Variants in CHSY3 observed in about 807,000 individuals in gnomAD.
The protein encoded by CHSY3 is N-acetylgalactosaminyl-proteoglycan 3-beta-glucuronosyltransferase 3.
Under a neutral mutation model 67.2 loss-of-function variants are expected in CHSY3, and 35 were observed. The ratio of observed to expected loss-of-function variants is 0.52; its 90% CI spans 0.40 to 0.69. The LOEUF is 0.69. Ranked by LOEUF, CHSY3 falls within the 30% of genes least tolerant of loss-of-function variation. CHSY3 has a pLI of 0.00. For synonymous variants in CHSY3, 474 were observed against 434.7 expected, an observed-to-expected ratio of 1.09 and a Z score of -1.12; for missense variants, 1,069 against 1,138.5, an observed-to-expected ratio of 0.94 and a Z score of 0.88.
chr5:129,910,171 C>A (rs1025173201), intron 2 of CHSY3, among the ~76,000 whole-genome samples: 2 of 151,916 alleles, frequency 1.3e-5, no homozygotes, highest in African/African-American at 2.4e-5. Context: ...AGAATAAGTG[C>A]AATCTTAGAT....
At chr5:130,064,836 A>T (rs1458385347) in intron 2 of CHSY3, among the ~76,000 whole-genome samples, 3 of 152,132 alleles carry the variant, frequency 2.0e-5, no homozygotes, top group Non-Finnish European at 4.4e-5. Flanking sequence ...ATGAAATATG[A>T]TTTGCTTTTC....
chr5:129,928,258 A>C (rs974212056), intron 2 of CHSY3, among the ~76,000 whole-genome samples: 4 of 138,162 alleles, frequency 2.9e-5, no homozygotes, highest in Admixed American at 2.4e-4. Context: ...GGAGAAAATA[A>C]ATTTTTTGTT....
chr5:130,095,456 G>A (rs1767013966), intron 2 of CHSY3, among the ~76,000 whole-genome samples: 1 of 152,174 alleles, frequency 6.6e-6, no homozygotes, highest in Non-Finnish European at 1.5e-5. Flanking sequence ...ACCTGAAAGA[G>A]CTTGAGCAAT....
intron 2 of CHSY3, among the ~76,000 whole-genome samples, chr5:130,077,451 A>G (rs1766304988): frequency 6.6e-6 from 1 of 152,150 alleles, no homozygotes; most frequent in South Asian, 2.1e-4. Context: ...TGGGCATTTT[A>G]AAGGAGGCTG....
chr5:130,004,532 T>C (rs982509027), intron 2 of CHSY3, among the ~76,000 whole-genome samples: 1 of 152,220 alleles, frequency 6.6e-6, no homozygotes, highest in African/African-American at 2.4e-5. Flanking sequence ...GTCCTGTTTG[T>C]ATTTGTTGAT....
At chr5:130,174,906 G>A (rs965600306) in intron 2 of CHSY3, among the ~76,000 whole-genome samples, 9 of 152,110 alleles carry the variant, frequency 5.9e-5, no homozygotes, top group African/African-American at 2.2e-4. Flanking sequence ...TAAGCACTTC[G>A]TTGCAATGCA....
intron 2 of CHSY3, among the ~76,000 whole-genome samples, chr5:130,077,824 T>C (rs993448839): frequency 1.2e-4 from 18 of 151,934 alleles, no homozygotes; most frequent in African/African-American, 4.1e-4. Flanking sequence ...CACATATATA[T>C]ACACACATAC....
chr5:129,938,617 C>T (rs1761589444), intron 2 of CHSY3, among the ~76,000 whole-genome samples: 1 of 152,202 alleles, frequency 6.6e-6, no homozygotes, highest in African/African-American at 2.4e-5. Context: ...CCTAAATTTT[C>T]TCTCTCAAGT....
chr5:130,115,780 A>G (rs1357222950), intron 2 of CHSY3, among the ~76,000 whole-genome samples: 1 of 152,204 alleles, frequency 6.6e-6, no homozygotes, highest in Non-Finnish European at 1.5e-5. Context: ...TAACTAACGT[A>G]GTCTGAGCTC....
intron 2 of CHSY3, among the ~76,000 whole-genome samples, chr5:129,922,144 G>A (rs1192899786): frequency 6.6e-6 from 1 of 152,188 alleles, no homozygotes; most frequent in African/African-American, 2.4e-5. Context: ...TTCTATCCGT[G>A]TTGTTGCAAA....
At chr5:130,000,998 C>T (rs1197894106) in intron 2 of CHSY3, among the ~76,000 whole-genome samples, 1 of 151,310 alleles carries the variant, frequency 6.6e-6, no homozygotes, top group Non-Finnish European at 1.5e-5. Flanking sequence ...TCAAACGATT[C>T]TCCTGCCTCA....
chr5:130,185,430 A>G lies in CHSY3; in HGVS notation c.2288A>G (p.Asp763Gly), dbSNP rs1580809575. The G allele has an allele frequency of 6.2e-7, 1 of 1,613,856 alleles. No individual in the cohort carries two copies. The highest frequency in any genetic ancestry group is 8.5e-7 in the Non-Finnish European group (1 of 1,179,770). Residue 763 changes from aspartate (D) to glycine (G), a missense_variant, in exon 3 of 3, where the codon GAT (aspartate) becomes GGT (glycine). This residue lies in a region of CHSY3 where 139 missense variants were observed against 152.8 expected (regional missense o/e 0.91). Coordinates refer to ENST00000305031, the MANE Select transcript of CHSY3 (RefSeq NM_175856.5). Reference protein sequence around the residue: ...KVTNGGNPPTDDYFIFSKKTG... With the variant: ...KVTNGGNPPTGDYFIFSKKTG... The stretch of plus-strand genomic sequence containing the variant: ...ACAAACGGGGGAAATCCTCCCACTG[A>G]TGATTACTTCATATTCTCAAAAAAG...
chr5:130,160,018 A>C (rs1449428805), intron 2 of CHSY3, among the ~76,000 whole-genome samples: 1 of 152,200 alleles, frequency 6.6e-6, no homozygotes, highest in African/African-American at 2.4e-5. Flanking sequence ...CAGAAAAAGA[A>C]AGCATATGTT....
At chr5:130,138,279 C>G (rs1379036539) in intron 2 of CHSY3, among the ~76,000 whole-genome samples, 1 of 152,156 alleles carries the variant, frequency 6.6e-6, no homozygotes, top group Non-Finnish European at 1.5e-5. Flanking sequence ...TCTAGCCAAC[C>G]AAGGACACAT....
At chr5:130,146,857 G>A (rs189314598) in intron 2 of CHSY3, among the ~76,000 whole-genome samples, 7 of 152,092 alleles carry the variant, frequency 4.6e-5, no homozygotes, top group Non-Finnish European at 7.4e-5. Context: ...GCAATGGCGC[G>A]ATCTTGGCTC....
chr5:130,107,556 T>G (rs1034759625), intron 2 of CHSY3, among the ~76,000 whole-genome samples: 3 of 151,640 alleles, frequency 2.0e-5, no homozygotes, highest in Non-Finnish European at 3.0e-5. Flanking sequence ...GTTTTCCTTC[T>G]GCTTTATACA....
chr5:130,138,324 G>A (rs990066354), intron 2 of CHSY3, among the ~76,000 whole-genome samples: 2 of 152,148 alleles, frequency 1.3e-5, no homozygotes, highest in Non-Finnish European at 2.9e-5. Flanking sequence ...TGTGACCTGA[G>A]GTAGGCATAG....
chr5:130,099,350 T>C (rs997756622), intron 2 of CHSY3, among the ~76,000 whole-genome samples: 3 of 152,248 alleles, frequency 2.0e-5, no homozygotes, highest in African/African-American at 7.2e-5. Flanking sequence ...GGTAGCAATA[T>C]AGAGAGGCAA....
intron 2 of CHSY3, among the ~76,000 whole-genome samples, chr5:130,051,883 T>C (rs953190132): frequency 6.6e-6 from 1 of 150,474 alleles, no homozygotes; most frequent in African/African-American, 2.5e-5. Flanking sequence ...TACATTGAGA[T>C]GACAGAAAAA....
Sources: gnomAD v4.1 joint callset for allele counts (sites outside exome capture counted in the v4.1 genomes callset) on GRCh38, gnomAD v4.1.1 for gene constraint, gnomAD v4.1.1 regional missense constraint, MANE v1.5 for transcripts, NCBI Gene and HGNC (gene_info 2026-07-23, HGNC 2026-07-21) for gene names.